FBXO38: variants seen among roughly 807,000 people sequenced by gnomAD.
FBXO38 encodes the protein F-box protein 38.
Under a neutral mutation model 131.9 loss-of-function variants are expected in FBXO38, and 53 were observed. The ratio of observed to expected loss-of-function variants is 0.40; its 90% CI spans 0.32 to 0.51. FBXO38 has a LOEUF of 0.51. Among genes scored for constraint, FBXO38 ranks in the 20% least tolerant of loss-of-function variants. The pLI is 0.53. For synonymous variants in FBXO38, 452 were observed against 505.6 expected, an observed-to-expected ratio of 0.89 and a Z score of 1.42; for missense variants, 1,076 against 1,475.6, an observed-to-expected ratio of 0.73 and a Z score of 4.44.
chr5:148,387,272 T>G (rs1757961794), intron 1 of FBXO38, among the ~76,000 whole-genome samples: 1 of 152,218 alleles, frequency 6.6e-6, no homozygotes, highest in Admixed American at 6.5e-5. Context: ...CAGAAGTAGA[T>G]TTCATCTCAA....
At chr5:148,395,121 A>T (rs1483339437) in intron 2 of FBXO38, among the ~76,000 whole-genome samples, 1 of 152,194 alleles carries the variant, frequency 6.6e-6, no homozygotes, top group Non-Finnish European at 1.5e-5. Flanking sequence ...CAGAGTATAG[A>T]CAAAATATTT....
intron 12 of FBXO38, among the ~76,000 whole-genome samples, chr5:148,419,388 C>T (rs751679641): frequency 1.3e-5 from 2 of 151,694 alleles, no homozygotes; most frequent in Non-Finnish European, 2.9e-5. Flanking sequence ...TTTTTTTTCC[C>T]GCAAACTAAG....
intron 12 of FBXO38, 54 bp from the exon 13 acceptor site, chr5:148,423,944 T>C: frequency 6.4e-7 from 1 of 1,554,528 alleles, no homozygotes; most frequent in Non-Finnish European, 8.7e-7. Context: ...TTGCCTGCCA[T>C]TGTAGTTCTT....
At chr5:148,410,310 G>A (rs1752678046) in intron 8 of FBXO38, 1 of 275,248 alleles carries the variant, frequency 3.6e-6, no homozygotes, top group Non-Finnish European at 6.8e-6. Flanking sequence ...CCTCATGATA[G>A]TGAATAAGTC....
Position 148,425,506 on chromosome 5 carries a change from T to C in FBXO38, c.1739-16T>C. 6.2e-7 allele frequency: 1 copy of C among 1,604,240 alleles called. No homozygotes were observed. On this transcript the variant is annotated splice_polypyrimidine_tract_variant and intron_variant, in intron 13 of 21. Coordinates refer to ENST00000340253, the MANE Select transcript of FBXO38 (RefSeq NM_205836.3). ...TTGCGCAAAAAGTAACTGTTAGGCC[T>C]GTGCTTTTTTTTAAGGACCCAGTGG...
intron 13 of FBXO38, 145 bp from the exon 14 acceptor site, chr5:148,425,377 T>G: frequency 1.7e-6 from 1 of 578,360 alleles, no homozygotes. Context: ...CTTATCCAAG[T>G]GCATTATCAG....
chr5:148,402,906 G>A (rs906880914), intron 5 of FBXO38, among the ~76,000 whole-genome samples: 2 of 142,674 alleles, frequency 1.4e-5, no homozygotes, highest in Non-Finnish European at 3.0e-5. Context: ...CACATACACA[G>A]AGAGAGAGAG....
At position 148,439,810 on chromosome 5, in the gene FBXO38, C is replaced by T. The variant is rs777120935; in HGVS notation, c.3170+18C>T. 3.1e-6 allele frequency: 5 copies of T among 1,612,096 alleles called. No homozygotes were observed. The highest frequency in any genetic ancestry group is 4.2e-6 in the Non-Finnish European group (5 of 1,178,994). On this transcript the variant is annotated intron_variant, in intron 19 of 21. Transcript: ENST00000340253. ...ATCAATCAGTAAGTAACTTTGTGGC[C>T]CTTAAAGGCCTTTTGAGTCATTTCT...
chr5:148,435,579 C>T (rs372197302), intron 17 of FBXO38, among the ~76,000 whole-genome samples: 4 of 152,152 alleles, frequency 2.6e-5, no homozygotes, highest in South Asian at 2.1e-4. Flanking sequence ...AGACCATCCT[C>T]GCTAACATGG....
intron 1 of FBXO38, among the ~76,000 whole-genome samples, chr5:148,386,630 G>A (rs1425745214): frequency 6.6e-6 from 1 of 151,980 alleles, no homozygotes; most frequent in Non-Finnish European, 1.5e-5. Context: ...TTTCCTTAAG[G>A]TTCAGAGTCT....
intron 17 of FBXO38, among the ~76,000 whole-genome samples, chr5:148,436,369 CAGAA>C (rs1292270239): frequency 2.0e-5 from 3 of 152,152 alleles, no homozygotes; most frequent in Non-Finnish European, 2.9e-5. Flanking sequence ...ATCTAAAAAT[CAGAA>C]AGCCCAAGTG....
rs1056528608 is a variant in FBXO38, at chr5:148,398,935, T to C, written c.129-64T>C. 5 of 1,564,490 alleles carry C rather than the reference T, an allele frequency of 3.2e-6. No individual in the cohort carries two copies. In the African/African-American group the frequency reaches 6.8e-5, roughly 21 times the overall value. On this transcript the variant is annotated intron_variant, in intron 2 of 21. Coordinates refer to ENST00000340253, the MANE Select transcript of FBXO38 (RefSeq NM_205836.3). The stretch of plus-strand genomic sequence containing the variant: ...GGAGATTGGAAGAAGGAAAAAAAAA[T>C]AACTTACTGGTGAGAAGTAATACTT...
intron 1 of FBXO38, among the ~76,000 whole-genome samples, chr5:148,386,885 G>C (rs924805340): frequency 2.0e-5 from 3 of 151,794 alleles, no homozygotes; most frequent in Non-Finnish European, 2.9e-5. Context: ...TAATGTATAC[G>C]CCATAATTTT....
chr5:148,425,884 G>A (rs1175025841), intron 14 of FBXO38, among the ~76,000 whole-genome samples, 183 bp downstream of exon 14: 2 of 152,198 alleles, frequency 1.3e-5, no homozygotes, highest in African/African-American at 4.8e-5. Flanking sequence ...CAACACAACA[G>A]TGTTGTGGAA....
chr5:148,416,590 G>A (rs1753067035), intron 11 of FBXO38: 2 of 184,558 alleles, frequency 1.1e-5, no homozygotes, highest in Non-Finnish European at 2.3e-5. Flanking sequence ...TACTCTTAAG[G>A]CAATTAAAAA....
At chr5:148,409,294 A>G in intron 8 of FBXO38, 77 bp downstream of exon 8, 3 of 930,106 alleles carry the variant, frequency 3.2e-6, no homozygotes, top group Non-Finnish European at 3.6e-6. Context: ...AAATTGTGGA[A>G]TGTGTGTGTA....
At chr5:148,389,624 A>C (rs1485468715) in intron 1 of FBXO38, 1 of 152,122 alleles carries the variant, frequency 6.6e-6, no homozygotes, top group African/African-American at 2.4e-5. Flanking sequence ...GGTATTTTGG[A>C]GGTAGGAGTG....
intron 18 of FBXO38, among the ~76,000 whole-genome samples, chr5:148,438,953 T>G (rs1338309030): frequency 6.6e-6 from 1 of 152,220 alleles, no homozygotes; most frequent in African/African-American, 2.4e-5. Context: ...GGTTCTGTGC[T>G]TAATGCCAAA....
At chr5:148,441,725 A>G (rs1052505742) in intron 21 of FBXO38, among the ~76,000 whole-genome samples, 10 of 152,194 alleles carry the variant, frequency 6.6e-5, no homozygotes, top group African/African-American at 2.4e-4. Context: ...GATTTTATGA[A>G]CTACATGTGC....
Sources: gnomAD v4.1 joint callset for allele counts (sites outside exome capture counted in the v4.1 genomes callset) on GRCh38, gnomAD v4.1.1 for gene constraint, MANE v1.5 for transcripts, NCBI Gene and HGNC (gene_info 2026-07-23, HGNC 2026-07-21) for gene names.